The following UGT1A7 variants were observed in gnomAD, a reference collection of about 807,000 sequenced individuals.
UGT1A7 encodes the protein UDP-glucuronosyltransferase 1A7.
A neutral mutation model predicts 45.6 loss-of-function variants in UGT1A7; 33 were observed. That is an observed-to-expected ratio of 0.72 (90% CI 0.55 to 0.97). UGT1A7 has a LOEUF of 0.97. Among genes scored for constraint, UGT1A7 ranks in the 50% least tolerant of loss-of-function variants. UGT1A7 has a pLI of 0.00. For synonymous variants in UGT1A7, 274 were observed against 250.6 expected, an observed-to-expected ratio of 1.09 and a Z score of -0.88; for missense variants, 684 against 666.2, an observed-to-expected ratio of 1.03 and a Z score of -0.29.
chr2:233,743,960 G>T, intron 1 of UGT1A7: 4 of 1,334,214 alleles, frequency 3.0e-6, no homozygotes, highest in Admixed American at 2.0e-5. Context: ...CACAGCGAGC[G>T]GCAAGGCTGC....
rs1022651903 is a variant in UGT1A7, at chr2:233,768,540, A to G, written c.1295+101A>G. ...CGTAGCATTTAATAGCGTTGTTTCA[A>G]ATATAAAAACAAATACATAAAAATC... On this transcript the variant is annotated intron_variant, in intron 4 of 4. Transcript: ENST00000373426. The G allele has an allele frequency of 7.3e-6, 11 of 1,497,966 alleles. No individual in the cohort carries two copies. The African/African-American group carries it at 1.4e-4, about 19-fold the overall frequency. The allele number at this position is 1,497,966 out of a possible 1,614,324, so 92.8% of individuals were successfully genotyped here.
chr2:233,718,053 C>A, intron 1 of UGT1A7: 1 of 364,042 alleles, frequency 2.7e-6, no homozygotes, highest in Non-Finnish European at 5.4e-6. Flanking sequence ...GCTCCCTGAA[C>A]CCACCGTGGG....
At chr2:233,766,761 T>G (rs1575822555) in intron 1 of UGT1A7, among the ~76,000 whole-genome samples, 1 of 152,230 alleles carries the variant, frequency 6.6e-6, no homozygotes, top group African/African-American at 2.4e-5. Context: ...TGTGTGTGCA[T>G]GTACCTGTGC....
chr2:233,734,616 T>C (rs2078540988), intron 1 of UGT1A7, among the ~76,000 whole-genome samples: 1 of 152,220 alleles, frequency 6.6e-6, no homozygotes, highest in Admixed American at 6.5e-5. Context: ...AGTGTGTTGA[T>C]TTTAGATCTT....
chr2:233,743,524 C>G (rs751668012), intron 1 of UGT1A7: 19 of 1,367,170 alleles, frequency 1.4e-5, no homozygotes, highest in Non-Finnish European at 1.8e-5. Flanking sequence ...GCTTCTGCTT[C>G]CCCAGCAGTT....
intron 1 of UGT1A7, among the ~76,000 whole-genome samples, chr2:233,699,142 G>A (rs564222627): frequency 2.6e-5 from 4 of 152,274 alleles, no homozygotes; most frequent in African/African-American, 7.2e-5. Context: ...ATTCTCATGG[G>A]TGCCTTGCAA....
At chr2:233,761,926 C>A (rs986768651) in intron 1 of UGT1A7, among the ~76,000 whole-genome samples, 4 of 152,226 alleles carry the variant, frequency 2.6e-5, no homozygotes, top group Admixed American at 1.3e-4. Context: ...GCAGCCCAGG[C>A]ACTTCCCAGG....
chr2:233,682,379 G>T lies in UGT1A7; in HGVS notation c.442G>T (p.Asp148Tyr). ...KESCFDAVFLDPFDACGLIVA... is the reference protein window; with the variant it reads ...KESCFDAVFLYPFDACGLIVA... ...GAGTTGTTTTGATGCAGTGTTTCTC[G>T]ATCCTTTTGATGCCTGTGGCTTAAT... Residue 148 changes from aspartate to tyrosine, a missense_variant, in exon 1 of 5, where the codon GAT (aspartate) becomes TAT (tyrosine). Transcript: ENST00000373426. 6.2e-7 allele frequency: 1 copy of T among 1,613,868 alleles called. No individual in the cohort carries two copies. The highest frequency in any genetic ancestry group is 8.5e-7 in the Non-Finnish European group (1 of 1,179,900).
chr2:233,766,281 G>A (rs1699102730), intron 1 of UGT1A7, among the ~76,000 whole-genome samples: 1 of 151,840 alleles, frequency 6.6e-6, no homozygotes. Context: ...GGTGGCCCGG[G>A]CTCGGTGGCC....
chr2:233,699,767 G>A (rs563489772), intron 1 of UGT1A7, among the ~76,000 whole-genome samples: 2 of 152,322 alleles, frequency 1.3e-5, no homozygotes, highest in South Asian at 4.1e-4. Context: ...CTCAGGACTA[G>A]TTCTGTTCCC....
intron 1 of UGT1A7, among the ~76,000 whole-genome samples, chr2:233,730,748 G>C (rs2078070259): frequency 6.6e-6 from 1 of 152,108 alleles, no homozygotes; most frequent in Non-Finnish European, 1.5e-5. Flanking sequence ...CTAGGGAGGA[G>C]ATAAGACTGT....
At chr2:233,735,687 T>C (rs1251778606) in intron 1 of UGT1A7, among the ~76,000 whole-genome samples, 1 of 152,148 alleles carries the variant, frequency 6.6e-6, no homozygotes, top group African/African-American at 2.4e-5. Flanking sequence ...CTTTAGGAGC[T>C]CTTGTAAGGC....
chr2:233,761,186 T>C, intron 1 of UGT1A7: 1 of 1,614,212 alleles, frequency 6.2e-7, no homozygotes. Context: ...CATGCGTATA[T>C]TCTTTCAGAT....
chr2:233,772,614 C>T lies in UGT1A7; in HGVS notation c.*55C>T, dbSNP rs1700539224. ...GAACCATTCCCTAGTCATTTCCAAA[C>T]TTGAAAACAGAATCAGTGTTAAATT... On this transcript the variant is annotated 3_prime_UTR_variant, in exon 5 of 5. Transcript: ENST00000373426. The T allele has an allele frequency of 1.3e-6, 2 of 1,575,828 alleles. No homozygotes were observed. The highest frequency in any genetic ancestry group is 1.7e-6 in the Non-Finnish European group (2 of 1,159,834).
intron 1 of UGT1A7, among the ~76,000 whole-genome samples, chr2:233,704,015 C>T (rs547838967): frequency 2.0e-5 from 3 of 152,086 alleles, no homozygotes; most frequent in Admixed American, 6.5e-5. Flanking sequence ...CTCAGCCGCC[C>T]GAGCAGCTGG....
intron 1 of UGT1A7, among the ~76,000 whole-genome samples, chr2:233,728,930 G>T (rs144892248): frequency 2.1e-5 from 3 of 145,550 alleles, no homozygotes; most frequent in Non-Finnish European, 4.4e-5. Flanking sequence ...GTCATGATCG[G>T]TCTTTTCCAG....
chr2:233,692,881 G>C, intron 1 of UGT1A7: 1 of 1,505,500 alleles, frequency 6.6e-7, no homozygotes, highest in South Asian at 1.4e-5. Flanking sequence ...GTAAAATTCA[G>C]AGCAAGGGAG....
intron 1 of UGT1A7, among the ~76,000 whole-genome samples, chr2:233,684,605 T>G (rs1292324256): frequency 2.0e-5 from 3 of 152,236 alleles, no homozygotes; most frequent in African/African-American, 7.2e-5. Context: ...TTTACATATT[T>G]TGGTTATTTG....
intron 1 of UGT1A7, among the ~76,000 whole-genome samples, chr2:233,720,004 A>G (rs1304715933): frequency 2.6e-5 from 4 of 152,144 alleles, no homozygotes; most frequent in African/African-American, 9.7e-5. Flanking sequence ...TACATTCAGA[A>G]CTGATCCATC....
Sources: allele counts gnomAD v4.1 joint callset (sites outside exome capture counted in the v4.1 genomes callset), GRCh38; gene constraint gnomAD v4.1.1; transcripts MANE v1.5; gene names NCBI Gene and HGNC (gene_info 2026-07-23, HGNC 2026-07-21).